Variants in RIPOR2 observed in about 807,000 individuals in gnomAD.
RIPOR2 encodes the protein RHO family interacting cell polarization regulator 2, also known as rho family-interacting cell polarization regulator 2.
RIPOR2 carries 39 observed loss-of-function variants against 114.5 expected under a neutral mutation model. That is an observed-to-expected ratio of 0.34 (90% CI 0.26 to 0.44). The LOEUF (loss-of-function observed/expected upper bound fraction) is 0.44. Ranked by LOEUF, RIPOR2 falls within the 20% of genes least tolerant of loss-of-function variation. The pLI is 1.00. For synonymous variants in RIPOR2, 445 were observed against 484.4 expected (o/e 0.92, Z 1.07); for missense variants, 1,007 against 1,255.1 (o/e 0.80, Z 2.99).
chr6:25,042,089 C>T, upstream of RIPOR2: 1 of 529,698 alleles, frequency 1.9e-6, no homozygotes, highest in South Asian at 2.7e-5. Context: ...TTGAGGCTTC[C>T]GTTGACTTCT....
At chr6:25,027,662 AG>A (rs1776696358) in intron 1 of RIPOR2, among the ~76,000 whole-genome samples, 2 of 152,306 alleles carry the variant, frequency 1.3e-5, no homozygotes, top group South Asian at 4.1e-4. Flanking sequence ...GGGGAGAAAG[AG>A]GGCCCCCCTC....
In RIPOR2 at chr6:24,875,806, T is replaced by C; in HGVS notation, c.73A>G (p.Arg25Gly). The change falls in exon 2 of 22, where the codon AGA (arginine) becomes GGA (glycine). Residue 25 changes from arginine (R) to glycine (G), a missense_variant. By Grantham distance (125) the Arg-to-Gly change is moderately radical. Coordinates refer to ENST00000643898, the MANE Select transcript of RIPOR2 (RefSeq NM_001286445.3). ...DDVFGEGLPT[R>G]LPEIMLVGSQ... is the part of the protein sequence containing the mutation. ...CCTACCAACATGATTTCCGGGAGTC[T>C]GGTCGGTAGTCCTAGAAGACAGTGG... 1.9e-6 allele frequency: 3 copies of C among 1,609,840 alleles called. No homozygotes were observed. Among genetic ancestry groups the C allele is most frequent in the Non-Finnish European group, 2.5e-6 (3 of 1,177,976 alleles).
At chr6:25,001,600 G>A (rs1317453404) in intron 1 of RIPOR2, among the ~76,000 whole-genome samples, 2 of 136,722 alleles carry the variant, frequency 1.5e-5, no homozygotes, top group Non-Finnish European at 3.1e-5. Context: ...ACTTCAGCCT[G>A]GGCGACAGAG....
intron 1 of RIPOR2, among the ~76,000 whole-genome samples, chr6:25,036,039 A>T (rs1299598011): frequency 2.0e-5 from 3 of 152,038 alleles, no homozygotes; most frequent in Admixed American, 2.0e-4. Context: ...CCTCCTTCGA[A>T]GTCCCACAGC....
At chr6:24,947,842 A>G (rs903314233) in intron 1 of RIPOR2, 5 of 152,216 alleles carry the variant, frequency 3.3e-5, no homozygotes, top group Non-Finnish European at 5.9e-5. Context: ...CTTTTAATGT[A>G]TAAGTTAACT....
chr6:24,877,062 T>C, intron 1 of RIPOR2: 7 of 985,144 alleles, frequency 7.1e-6, no homozygotes, highest in South Asian at 4.7e-5. Context: ...AACAAATCGG[T>C]ATGTTTGCAG....
intron 1 of RIPOR2, among the ~76,000 whole-genome samples, chr6:25,004,199 A>T (rs917940679): frequency 4.6e-5 from 7 of 152,222 alleles, no homozygotes; most frequent in Non-Finnish European, 1.0e-4. Flanking sequence ...CCACAATGAT[A>T]CCCAAACTCA....
chr6:24,910,029 G>A (rs577853026), intron 1 of RIPOR2, among the ~76,000 whole-genome samples: 3 of 152,162 alleles, frequency 2.0e-5, no homozygotes, highest in South Asian at 4.1e-4. Context: ...CGAACGTGAG[G>A]GGTCTCTATC....
intron 1 of RIPOR2, among the ~76,000 whole-genome samples, chr6:24,966,721 T>A (rs1773544896): frequency 1.3e-5 from 2 of 152,206 alleles, no homozygotes; most frequent in African/African-American, 4.8e-5. Context: ...GGTACAGCAC[T>A]GCCATGTGAA....
intron 1 of RIPOR2, among the ~76,000 whole-genome samples, chr6:24,923,228 G>A (rs1000875811): frequency 1.3e-5 from 2 of 152,170 alleles, no homozygotes; most frequent in Non-Finnish European, 2.9e-5. Flanking sequence ...CTTGCAGGCT[G>A]AATAATATTC....
Position 24,873,749 on chromosome 6 carries a change from T to G in RIPOR2, c.239A>C (p.Lys80Thr). The G allele has an allele frequency of 3.1e-6, 5 of 1,613,596 alleles. No homozygotes were observed. The highest frequency in any genetic ancestry group is 4.2e-6 in the Non-Finnish European group (5 of 1,179,788). Reference protein sequence around the residue: ...NSSALKKPQAKLKKMHNLGHK... With the variant: ...NSSALKKPQATLKKMHNLGHK... ...GCCTAAATTGTGCATTTTCTTCAGT[T>G]TGGCCTGAGGCTTCTTGAGAGCGGA... Residue 80 changes from lysine (K) to threonine (T), a missense_variant, in exon 3 of 22, where the codon AAA (lysine) becomes ACA (threonine). By Grantham distance (78) the Lys-to-Thr change is moderately conservative. Coordinates refer to ENST00000643898, the MANE Select transcript of RIPOR2 (RefSeq NM_001286445.3).
chr6:24,978,662 G>A (rs1774174166), intron 1 of RIPOR2, among the ~76,000 whole-genome samples: 2 of 152,154 alleles, frequency 1.3e-5, no homozygotes, highest in Non-Finnish European at 2.9e-5. Context: ...ATATTGCTCT[G>A]CGATAAGACT....
chr6:24,919,717 C>A (rs181677496), intron 1 of RIPOR2, among the ~76,000 whole-genome samples: 2 of 152,146 alleles, frequency 1.3e-5, no homozygotes, highest in African/African-American at 2.4e-5. Flanking sequence ...GAAGAGCAAA[C>A]GTACACAGGC....
chr6:24,832,480 T>C (rs750255993), intron 15 of RIPOR2, 89 bp from the exon 16 acceptor site: 32 of 1,158,898 alleles, frequency 2.8e-5, no homozygotes, highest in Non-Finnish European at 4.0e-5. Context: ...AATGTGGTGA[T>C]GATACTAAAT....
chr6:24,985,438 A>G (rs1381611444), intron 1 of RIPOR2, among the ~76,000 whole-genome samples: 2 of 152,092 alleles, frequency 1.3e-5, no homozygotes, highest in African/African-American at 4.8e-5. Flanking sequence ...GACAACAACA[A>G]GTTGCTGACT....
intron 1 of RIPOR2, among the ~76,000 whole-genome samples, chr6:25,008,042 A>G (rs1353869934): frequency 1.4e-4 from 21 of 152,102 alleles, no homozygotes; most frequent in Admixed American, 1.4e-3. Flanking sequence ...AAATATTTTA[A>G]AACTATTTTT....
At chr6:24,981,196 CCTCGTGGGT>C (rs1193901244) in intron 1 of RIPOR2, among the ~76,000 whole-genome samples, 1 of 152,136 alleles carries the variant, frequency 6.6e-6, no homozygotes. Flanking sequence ...CCTAGAGTTG[CCTCGTGGGT>C]AAGTAGAAAG....
chr6:24,917,300 C>G (rs904654733), intron 1 of RIPOR2, among the ~76,000 whole-genome samples: 2 of 152,170 alleles, frequency 1.3e-5, no homozygotes, highest in African/African-American at 4.8e-5. Context: ...TTTTGAGAAT[C>G]AGTGATCTAG....
chr6:24,841,827 G>A (rs1156730689), intron 13 of RIPOR2, among the ~76,000 whole-genome samples: 4 of 151,794 alleles, frequency 2.6e-5, no homozygotes, highest in Non-Finnish European at 5.9e-5. Context: ...CATGTTGCCC[G>A]GTCTGGTCTC....
Sources: allele counts gnomAD v4.1 joint callset (sites outside exome capture counted in the v4.1 genomes callset), GRCh38; gene constraint gnomAD v4.1.1; transcripts MANE v1.5; gene names NCBI Gene and HGNC (gene_info 2026-07-23, HGNC 2026-07-21).